Variants in ERC2 observed in about 807,000 individuals in gnomAD.
The protein encoded by ERC2 is ELKS/RAB6-interacting/CAST family member 2.
Under a neutral mutation model 114.8 loss-of-function variants are expected in ERC2, and 42 were observed. The ratio of observed to expected loss-of-function variants is 0.37; its 90% CI spans 0.29 to 0.47. ERC2 has a LOEUF of 0.47. Ranked by LOEUF, ERC2 falls within the 20% of genes least tolerant of loss-of-function variation. ERC2 has a pLI of 0.99. For missense variants in ERC2, 939 were observed against 1,150.7 expected, an observed-to-expected ratio of 0.82 and a Z score of 2.66; for synonymous variants, 454 against 425.5, an observed-to-expected ratio of 1.07 and a Z score of -0.82.
chr3:55,759,363 C>T (rs1251699740), intron 14 of ERC2, among the ~76,000 whole-genome samples: 3 of 149,268 alleles, frequency 2.0e-5, no homozygotes, highest in Non-Finnish European at 4.4e-5. Flanking sequence ...TCGGGTTTCA[C>T]TTCATCTTCT....
intron 4 of ERC2, among the ~76,000 whole-genome samples, chr3:56,168,943 T>C (rs777105868): frequency 1.3e-5 from 2 of 152,174 alleles, no homozygotes; most frequent in Non-Finnish European, 2.9e-5. Context: ...CTTTGCTTAC[T>C]ACTTATTTCC....
At chr3:55,698,165 A>AT (rs754077282) in intron 16 of ERC2, among the ~76,000 whole-genome samples, 19 of 151,622 alleles carry the variant, frequency 1.3e-4, no homozygotes, top group Non-Finnish European at 1.8e-4. Context: ...GGAAATCTAG[A>AT]TTTTTTTCTG....
intron 13 of ERC2, among the ~76,000 whole-genome samples, chr3:55,900,143 G>A (rs1246856962): frequency 6.6e-6 from 1 of 152,160 alleles, no homozygotes; most frequent in African/African-American, 2.4e-5. Flanking sequence ...AATTGTTGGT[G>A]ACTCTAGAGC....
chr3:56,382,803 AC>A (rs558428472), intron 2 of ERC2, among the ~76,000 whole-genome samples: 149 of 152,184 alleles, frequency 9.8e-4, no homozygotes, highest in African/African-American at 3.3e-3. Context: ...CCAAATTTAT[AC>A]CGTTAGGCTT....
At chr3:55,880,274 T>C (rs548960742) in intron 14 of ERC2, among the ~76,000 whole-genome samples, 5 of 152,318 alleles carry the variant, frequency 3.3e-5, no homozygotes, top group Admixed American at 6.5e-5. Flanking sequence ...TTCTGGAATG[T>C]GGGGTTTTCT....
intron 3 of ERC2, among the ~76,000 whole-genome samples, chr3:56,253,409 G>A (rs1296730163): frequency 2.0e-5 from 3 of 152,128 alleles, no homozygotes; most frequent in Non-Finnish European, 2.9e-5. Context: ...CTAAAAAAGG[G>A]AGGAATTGCT....
intron 17 of ERC2, among the ~76,000 whole-genome samples, chr3:55,516,872 C>T (rs140218872): frequency 6.6e-6 from 1 of 152,228 alleles, no homozygotes; most frequent in Non-Finnish European, 1.5e-5. Context: ...GAAACCAGCT[C>T]GATAGCACTG....
At chr3:55,643,386 C>A (rs535860862) in intron 17 of ERC2, among the ~76,000 whole-genome samples, 1 of 152,246 alleles carries the variant, frequency 6.6e-6, no homozygotes, top group Non-Finnish European at 1.5e-5. Flanking sequence ...ACTGGCAAGG[C>A]CAATGTTAGA....
At chr3:56,230,213 C>T (rs1173708907) in intron 3 of ERC2, among the ~76,000 whole-genome samples, 1 of 152,012 alleles carries the variant, frequency 6.6e-6, no homozygotes, top group East Asian at 1.9e-4. Flanking sequence ...AAGCAGAAGA[C>T]ATAATGCTGA....
At chr3:55,831,206 G>A (rs2060556477) in intron 14 of ERC2, among the ~76,000 whole-genome samples, 1 of 150,306 alleles carries the variant, frequency 6.7e-6, no homozygotes, top group Non-Finnish European at 1.5e-5. Flanking sequence ...TAGCTACTTA[G>A]GAGGCTAAGG....
chr3:56,277,260 A>T lies in ERC2; in HGVS notation c.1074+18759T>A, dbSNP rs2054065818. Among the ~76,000 whole-genome samples the T allele has an allele frequency of 2.0e-5, 3 of 152,156 alleles. No homozygotes were observed. In the South Asian group the frequency reaches 6.2e-4, roughly 32 times the overall value. On this transcript the variant is annotated intron_variant, in intron 3 of 17. Coordinates refer to ENST00000288221, the MANE Select transcript of ERC2 (RefSeq NM_015576.3). Reference sequence around the variant, plus strand: ...CTCCTCTTCCTTCTTATTTGTCTTAAACAGAGATATGCCCTAATTCTATCA... The same window carrying T: ...CTCCTCTTCCTTCTTATTTGTCTTATACAGAGATATGCCCTAATTCTATCA...
chr3:55,683,870 C>T lies in ERC2; in HGVS notation c.2848-11G>A, dbSNP rs749969849. 4 of 1,611,078 alleles carry T rather than the reference C, an allele frequency of 2.5e-6. No individual in the cohort carries two copies. The highest frequency in any genetic ancestry group is 3.4e-6 in the Non-Finnish European group (4 of 1,178,786). ...GCCCTCCTCGTCATCCTGCGGCCGG[C>T]CCGAGGTGGGGAGGTGCACAGAGAG... On this transcript the variant is annotated splice_polypyrimidine_tract_variant and intron_variant, in intron 16 of 17. Coordinates refer to ENST00000288221, the MANE Select transcript of ERC2 (RefSeq NM_015576.3).
intron 17 of ERC2, among the ~76,000 whole-genome samples, chr3:55,609,648 G>T (rs1407115144): frequency 6.6e-6 from 1 of 152,002 alleles, no homozygotes; most frequent in Non-Finnish European, 1.5e-5. Context: ...GCTTGGGTAG[G>T]CTCCATTTCG....
intron 4 of ERC2, 27 bp downstream of exon 4, chr3:56,173,419 T>C (rs759653003): frequency 1.9e-6 from 3 of 1,609,432 alleles, no homozygotes; most frequent in Non-Finnish European, 2.6e-6. Context: ...GGCATAACTG[T>C]TTCTGACAAA....
At chr3:55,952,174 C>CTATATAT (rs1171234318) in intron 12 of ERC2, among the ~76,000 whole-genome samples, 1 of 55,080 alleles carries the variant, frequency 1.8e-5, no homozygotes, top group Non-Finnish European at 4.0e-5. Context: ...CACACACACA[C>CTATATAT]ACACACTCTC....
chr3:55,691,053 CAGAG>C (rs1329984368), intron 16 of ERC2, among the ~76,000 whole-genome samples: 11 of 152,204 alleles, frequency 7.2e-5, no homozygotes, highest in African/African-American at 2.7e-4. Flanking sequence ...TGTGGCCTCA[CAGAG>C]AGCCACTGCA....
intron 3 of ERC2, among the ~76,000 whole-genome samples, chr3:56,216,061 C>T (rs1198319027): frequency 6.6e-6 from 1 of 152,120 alleles, no homozygotes; most frequent in Non-Finnish European, 1.5e-5. Flanking sequence ...AAAATTGACA[C>T]CCTAACATCA....
intron 14 of ERC2, among the ~76,000 whole-genome samples, chr3:55,846,693 T>G (rs112430416): frequency 7.0e-6 from 1 of 142,820 alleles, no homozygotes; most frequent in Admixed American, 7.0e-5. Context: ...CTCTCTCTCT[T>G]TCTCTCTCTC....
At chr3:55,634,891 CT>C (rs57622078) in intron 17 of ERC2, among the ~76,000 whole-genome samples, 19 of 147,750 alleles carry the variant, frequency 1.3e-4, no homozygotes, top group South Asian at 2.1e-4. Flanking sequence ...TTTATTATTT[CT>C]TTTTTTTTTT....
Sources: allele counts gnomAD v4.1 joint callset (sites outside exome capture counted in the v4.1 genomes callset), GRCh38; gene constraint gnomAD v4.1.1; transcripts MANE v1.5; gene names NCBI Gene and HGNC (gene_info 2026-07-23, HGNC 2026-07-21).